The following CCSER2 variants were observed in gnomAD, a reference collection of about 807,000 sequenced individuals.
CCSER2 encodes serine-rich coiled-coil domain-containing protein 2.
In CCSER2, 46 loss-of-function variants were observed where a neutral mutation model predicts 92.3. The ratio of observed to expected loss-of-function variants is 0.50; its 90% CI spans 0.39 to 0.64. The LOEUF is 0.64. Among genes scored for constraint, CCSER2 ranks in the 30% least tolerant of loss-of-function variants. CCSER2 has a pLI of 0.00. For missense variants in CCSER2, 1,244 were observed against 1,238.9 expected (o/e 1.00, Z -0.06); for synonymous variants, 433 against 431.4 (o/e 1.00, Z -0.04).
chr10:84,451,876 A>G (rs1268854601), intron 6 of CCSER2, among the ~76,000 whole-genome samples: 1 of 152,210 alleles, frequency 6.6e-6, no homozygotes, highest in Non-Finnish European at 1.5e-5. Context: ...ATCAGATTTT[A>G]TAAGTCAGTG....
intron 3 of CCSER2, among the ~76,000 whole-genome samples, chr10:84,399,155 A>G (rs535870180): frequency 1.3e-5 from 2 of 152,238 alleles, no homozygotes; most frequent in East Asian, 3.9e-4. Context: ...CATTGTACCT[A>G]TTGGTAAATT....
intron 7 of CCSER2, 73 bp from the exon 8 acceptor site, chr10:84,470,299 T>C: frequency 1.7e-5 from 15 of 873,166 alleles, no homozygotes; most frequent in Non-Finnish European, 2.3e-5. Context: ...CATTACTGTG[T>C]CTTCATCATT....
At position 84,362,706 on chromosome 10, in the gene CCSER2, G is replaced by T. The variant is rs576153573; in HGVS notation, c.-39-8308G>T. 1.3e-4 allele frequency among the ~76,000 whole-genome samples: 20 copies of T among 152,298 alleles called. No homozygotes were observed. In the East Asian group the frequency reaches 3.7e-3, roughly 28 times the overall value. On this transcript the variant is annotated intron_variant, in intron 1 of 9. Transcript: ENST00000372088. ...TATTGATACAATAAAGAGGCTTTGT[G>T]TTGAGCATGGCATGTCCTCTTTAAA...
At chr10:84,503,068 C>A (rs565890831) in intron 9 of CCSER2, among the ~76,000 whole-genome samples, 1 of 151,890 alleles carries the variant, frequency 6.6e-6, no homozygotes, top group Non-Finnish European at 1.5e-5. Flanking sequence ...ACTAAAAATA[C>A]GAAAAATTAG....
At chr10:84,508,025 A>G (rs974305395) in intron 9 of CCSER2, among the ~76,000 whole-genome samples, 2 of 152,208 alleles carry the variant, frequency 1.3e-5, no homozygotes, top group African/African-American at 4.8e-5. Context: ...GTTATACTGT[A>G]TATTCTGAAA....
chr10:84,372,877 A>G (rs1369880011), intron 2 of CCSER2, among the ~76,000 whole-genome samples: 1 of 152,124 alleles, frequency 6.6e-6, no homozygotes, highest in Non-Finnish European at 1.5e-5. Flanking sequence ...ATGAGATAAT[A>G]TAGGTTATGT....
At chr10:84,365,215 T>C (rs1458758628) in intron 1 of CCSER2, among the ~76,000 whole-genome samples, 1 of 152,202 alleles carries the variant, frequency 6.6e-6, no homozygotes, top group Non-Finnish European at 1.5e-5. Flanking sequence ...TCAGAGATTA[T>C]ATCATTAGAT....
chr10:84,466,695 A>G (rs1044822461), intron 7 of CCSER2, among the ~76,000 whole-genome samples: 1 of 140,692 alleles, frequency 7.1e-6, no homozygotes, highest in South Asian at 2.2e-4. Flanking sequence ...TTGTATTTTT[A>G]GTAGGGACGG....
chr10:84,432,358 C>T (rs1843824046), intron 5 of CCSER2, among the ~76,000 whole-genome samples: 2 of 151,988 alleles, frequency 1.3e-5, no homozygotes, highest in African/African-American at 2.4e-5. Flanking sequence ...ATCCCATCAC[C>T]CAGGTAGTGA....
chr10:84,338,488 A>G (rs1466410031), intron 1 of CCSER2, among the ~76,000 whole-genome samples: 3 of 151,780 alleles, frequency 2.0e-5, no homozygotes, highest in South Asian at 2.1e-4. Context: ...TTCAACAGAG[A>G]AAAAAAATGC....
chr10:84,374,490 T>C (rs931797887), intron 3 of CCSER2, among the ~76,000 whole-genome samples: 26 of 152,042 alleles, frequency 1.7e-4, no homozygotes, highest in Admixed American at 1.3e-4. Context: ...TGCCAGAGGG[T>C]CTCACACATA....
chr10:84,379,149 T>G (rs1036169653), intron 3 of CCSER2, among the ~76,000 whole-genome samples: 3 of 152,242 alleles, frequency 2.0e-5, no homozygotes, highest in African/African-American at 7.2e-5. Flanking sequence ...AGTTTTAATT[T>G]TTAGATATTG....
At chr10:84,487,034 G>A (rs1022076751) in intron 9 of CCSER2, among the ~76,000 whole-genome samples, 2 of 152,164 alleles carry the variant, frequency 1.3e-5, no homozygotes, top group East Asian at 1.9e-4. Context: ...TCTCAGGTTT[G>A]TCAAAGATTA....
chr10:84,401,436 A>G (rs916376951), intron 3 of CCSER2, among the ~76,000 whole-genome samples: 4 of 152,208 alleles, frequency 2.6e-5, no homozygotes, highest in Non-Finnish European at 5.9e-5. Context: ...ATAAATTTTT[A>G]CTACTTGAGT....
chr10:84,377,166 G>A (rs187497191), intron 3 of CCSER2, among the ~76,000 whole-genome samples: 75 of 152,170 alleles, frequency 4.9e-4, no homozygotes, highest in Non-Finnish European at 8.1e-4. Flanking sequence ...CTTAGTGTCT[G>A]TTGATATAGA....
chr10:84,395,851 C>T (rs1204976088), intron 3 of CCSER2, among the ~76,000 whole-genome samples: 1 of 152,162 alleles, frequency 6.6e-6, no homozygotes, highest in Non-Finnish European at 1.5e-5. Context: ...GCCCTTGAGT[C>T]ATTATGTCTC....
At chr10:84,505,101 C>T (rs545664740) in intron 9 of CCSER2, among the ~76,000 whole-genome samples, 18 of 152,108 alleles carry the variant, frequency 1.2e-4, no homozygotes, top group African/African-American at 4.3e-4. Context: ...TATTTTCAGT[C>T]GTTCTGCTTT....
chr10:84,423,891 A>C (rs1335556068), intron 4 of CCSER2, among the ~76,000 whole-genome samples: 1 of 151,500 alleles, frequency 6.6e-6, no homozygotes, highest in Non-Finnish European at 1.5e-5. Context: ...TCATGCCTGT[A>C]AGCCCAGCAC....
Position 84,372,078 on chromosome 10 carries a change from A to G in CCSER2, c.1026A>G (p.Ser342=). The G allele has an allele frequency of 6.2e-7, 1 of 1,613,814 alleles. No individual in the cohort carries two copies. The highest frequency in any genetic ancestry group is 8.5e-7 in the Non-Finnish European group (1 of 1,179,814). ...GTMTVDGNKN[S]PADTCVEEDA... ...TGACAGTTGATGGAAATAAAAATTC[A>G]CCTGCTGACACATGTGTAGAGGAAG... The change falls in exon 2 of 10, where the codon TCA becomes TCG. Residue 342 remains serine (S), a synonymous_variant. Transcript: ENST00000372088.
Sources: gnomAD v4.1 joint callset for allele counts (sites outside exome capture counted in the v4.1 genomes callset) on GRCh38, gnomAD v4.1.1 for gene constraint, MANE v1.5 for transcripts, NCBI Gene and HGNC (gene_info 2026-07-23, HGNC 2026-07-21) for gene names.